AK7: variants seen among roughly 807,000 people sequenced by gnomAD.
The protein encoded by AK7 is adenylate kinase 7.
AK7 carries 78 observed loss-of-function variants against 96.6 expected under a neutral mutation model. The ratio of observed to expected loss-of-function variants is 0.81; its 90% confidence interval spans 0.67 to 0.97. The LOEUF (loss-of-function observed/expected upper bound fraction) is 0.97, where lower values mean the gene tolerates loss of function less well. Ranked by LOEUF, AK7 falls within the 50% of genes least tolerant of loss-of-function variation. The pLI is 0.00. For synonymous variants in AK7, 302 were observed against 317.2 expected (o/e 0.95, Z 0.51); for missense variants, 855 against 887.9 (o/e 0.96, Z 0.47).
intron 12 of AK7, among the ~76,000 whole-genome samples, chr14:96,469,451 G>A (rs1276544256): frequency 6.6e-6 from 1 of 152,164 alleles, no homozygotes; most frequent in Non-Finnish European, 1.5e-5. Context: ...CTTGAACCCA[G>A]GAGACAGAGG....
chr14:96,451,343 C>T, intron 9 of AK7, 78 bp from the exon 10 acceptor site: 1 of 1,256,998 alleles, frequency 8.0e-7, no homozygotes. Flanking sequence ...TCTTTAATAA[C>T]TGTAGTGATT....
At chr14:96,392,291 C>T (rs752893742) in intron 1 of AK7, 32 bp downstream of exon 1, 3 of 1,568,936 alleles carry the variant, frequency 1.9e-6, no homozygotes, top group Non-Finnish European at 2.6e-6. Flanking sequence ...GAGCCTCACG[C>T]CAGCTCTCAG....
chr14:96,435,547 T>C (rs2140077945), intron 5 of AK7, among the ~76,000 whole-genome samples: 1 of 152,290 alleles, frequency 6.6e-6, no homozygotes, highest in South Asian at 2.1e-4. Flanking sequence ...AGCTGGTGTC[T>C]CAGTATGTTG....
In AK7 at chr14:96,477,291, C is replaced by T. The variant is rs112065398; in HGVS notation, c.1556-1174C>T. On this transcript the variant is annotated intron_variant, in intron 14 of 17. Coordinates refer to ENST00000267584, the MANE Select transcript of AK7 (RefSeq NM_152327.5). ...ATGTCCACATGCCTCGGGGACACAC[C>T]TCCTGTGGGCTTTCCCCATTACACT... 1.6e-3 allele frequency among the ~76,000 whole-genome samples: 239 copies of T among 152,330 alleles called. 3 individuals carry two copies. Among genetic ancestry groups the T allele is most frequent in the African/African-American group, 5.5e-3 (228 of 41,576 alleles).
At chr14:96,443,850 C>G (rs559440988) in intron 7 of AK7, among the ~76,000 whole-genome samples, 61 of 149,928 alleles carry the variant, frequency 4.1e-4, no homozygotes, top group Non-Finnish European at 6.2e-4. Context: ...CTCGGTTCAC[C>G]GCAAGCTCTA....
chr14:96,449,779 A>G, intron 8 of AK7, 23 bp from the exon 9 acceptor site: 1 of 1,571,596 alleles, frequency 6.4e-7, no homozygotes, highest in East Asian at 2.2e-5. Flanking sequence ...AAACCAACTA[A>G]TATTTCGATT....
chr14:96,411,326 A>G (rs1595379876), intron 4 of AK7, among the ~76,000 whole-genome samples: 1 of 152,158 alleles, frequency 6.6e-6, no homozygotes, highest in African/African-American at 2.4e-5. Context: ...CCTGGTCAAC[A>G]TGGTGAAACC....
At chr14:96,392,691 C>A (rs928718389) in intron 1 of AK7, among the ~76,000 whole-genome samples, 2 of 151,956 alleles carry the variant, frequency 1.3e-5, no homozygotes, top group African/African-American at 4.8e-5. Context: ...TGAGACGGAG[C>A]CTTGCTCTGT....
In AK7 at chr14:96,449,817, A is replaced by G; in HGVS notation, c.886A>G (p.Thr296Ala). The change falls in exon 9 of 18, where the codon ACT (threonine) becomes GCT (alanine). Residue 296 changes from threonine to alanine, a missense_variant. Thr to Ala is a moderately conservative substitution (Grantham distance 58). Coordinates refer to ENST00000267584, the MANE Select transcript of AK7 (RefSeq NM_152327.5). ...CCTCTAACAGTGTATCAGTAAAAAT[A>G]CTGGCCCTGGGAAAATCCAGAAAAT... Reference protein sequence around the residue: ...EDIVKCISKNTGPGKIQKIPR... With the variant: ...EDIVKCISKNAGPGKIQKIPR... 1.2e-6 allele frequency: 2 copies of G among 1,610,890 alleles called. No individual in the cohort carries two copies. Among genetic ancestry groups the G allele is most frequent in the South Asian group, 2.2e-5 (2 of 90,820 alleles).
chr14:96,403,252 GA>G lies in AK7; in HGVS notation c.295-1503del, dbSNP rs1435079323. ...ATGGCACACAGGTAGAACATCATGT[GA>G]ATATCAAGGTGGAGATCAGGGTGAT... On this transcript the variant is annotated intron_variant, in intron 2 of 17. Transcript: ENST00000267584. Among the ~76,000 whole-genome samples the G allele has an allele frequency of 2.6e-5, 4 of 152,060 alleles. No individual in the cohort carries two copies. The East Asian group carries it at 7.7e-4, about 29-fold the overall frequency.
chr14:96,426,583 T>G (rs983017092), intron 5 of AK7, among the ~76,000 whole-genome samples: 4 of 152,228 alleles, frequency 2.6e-5, no homozygotes, highest in Admixed American at 2.0e-4. Context: ...TAGTGTTTCT[T>G]GTAGGACAGG....
chr14:96,434,940 C>T (rs1412740782), intron 5 of AK7, among the ~76,000 whole-genome samples: 1 of 152,154 alleles, frequency 6.6e-6, no homozygotes, highest in Non-Finnish European at 1.5e-5. Flanking sequence ...CTTAAGTCAG[C>T]TGGTCTTGAC....
chr14:96,449,764 C>A, intron 8 of AK7, 38 bp from the exon 9 acceptor site: 1 of 1,504,972 alleles, frequency 6.6e-7, no homozygotes, highest in South Asian at 1.1e-5. Context: ...TAAAACCTTC[C>A]AGGTAAACCA....
chr14:96,403,113 C>CA (rs1331465405), intron 2 of AK7, among the ~76,000 whole-genome samples: 8 of 78,356 alleles, frequency 1.0e-4, no homozygotes, highest in East Asian at 5.4e-4. Context: ...AAGACTCTGT[C>CA]TTAAATAAAT....
At chr14:96,425,948 G>GT (rs552267745) in intron 5 of AK7, among the ~76,000 whole-genome samples, 219 of 151,990 alleles carry the variant, frequency 1.4e-3, no homozygotes, top group Non-Finnish European at 2.3e-3. Context: ...AATGTGTCTT[G>GT]TTTTTTTCAT....
At position 96,409,585 on chromosome 14, in the gene AK7, G is replaced by A. The variant is rs920711418; in HGVS notation, c.498+644G>A. On this transcript the variant is annotated intron_variant, in intron 4 of 17. Transcript: ENST00000267584. ...AGACTCCATCTCTAAATAAATAAAG[G>A]AAGAAAAAGAAAATATAAGTAAAAT... 1.2e-4 allele frequency among the ~76,000 whole-genome samples: 18 copies of A among 152,144 alleles called. No homozygotes were observed. In the East Asian group the frequency reaches 2.5e-3, roughly 21 times the overall value.
intron 5 of AK7, among the ~76,000 whole-genome samples, chr14:96,432,828 CAAAAAAA>C (rs569057680): frequency 7.9e-6 from 1 of 125,994 alleles, no homozygotes; most frequent in Non-Finnish European, 1.7e-5. Context: ...ACTAAAAATA[CAAAAAAA>C]AAAAAAAAAA....
intron 12 of AK7, among the ~76,000 whole-genome samples, chr14:96,465,831 G>A (rs1022966362): frequency 6.6e-6 from 1 of 151,916 alleles, no homozygotes; most frequent in African/African-American, 2.4e-5. Context: ...CCAAGATGGT[G>A]AAACCCTGTC....
At chr14:96,464,736 T>C (rs1894464122) in intron 12 of AK7, among the ~76,000 whole-genome samples, 1 of 152,160 alleles carries the variant, frequency 6.6e-6, no homozygotes, top group African/African-American at 2.4e-5. Flanking sequence ...AAACCTATTC[T>C]TAAACTAAGA....
Sources: gnomAD v4.1 joint callset for allele counts (sites outside exome capture counted in the v4.1 genomes callset) on GRCh38, gnomAD v4.1.1 for gene constraint, MANE v1.5 for transcripts, NCBI Gene and HGNC (gene_info 2026-07-23, HGNC 2026-07-21) for gene names.